Variants in NXPH1 observed in about 807,000 individuals in gnomAD.
The protein encoded by NXPH1 is neurexophilin-1.
NXPH1 carries 5 observed loss-of-function variants against 23.7 expected under a neutral mutation model. That is an observed-to-expected ratio of 0.21 (90% CI 0.11 to 0.44). The LOEUF (loss-of-function observed/expected upper bound fraction) is 0.44. Among genes scored for constraint, NXPH1 ranks in the 20% least tolerant of loss-of-function variants. The pLI, the probability that NXPH1 is intolerant of heterozygous loss-of-function variation, is 0.99. For synonymous variants in NXPH1, 144 were observed against 122.2 expected, an observed-to-expected ratio of 1.18 and a Z score of -1.18; for missense variants, 324 against 321.6, an observed-to-expected ratio of 1.01 and a Z score of -0.06.
intron 2 of NXPH1, among the ~76,000 whole-genome samples, chr7:8,489,204 C>G (rs1197313759): frequency 6.6e-6 from 1 of 152,048 alleles, no homozygotes; most frequent in African/African-American, 2.4e-5. Flanking sequence ...TTCGGCCTAT[C>G]TAGGGATGTT....
chr7:8,604,952 C>T lies in NXPH1; in HGVS notation c.55-146056C>T, dbSNP rs145885684. On this transcript the variant is annotated intron_variant, in intron 2 of 2. Coordinates refer to ENST00000405863, the MANE Select transcript of NXPH1 (RefSeq NM_152745.3). ...TTATATGGAAATAGTAACATGCTTG[C>T]CATTTTTTCTCCACCATTTTAGATT... 3.9e-3 allele frequency among the ~76,000 whole-genome samples: 597 copies of T among 152,148 alleles called. 3 individuals are homozygous for T. The highest frequency in any genetic ancestry group is 0.013 in the African/African-American group (552 of 41,548).
intron 2 of NXPH1, among the ~76,000 whole-genome samples, chr7:8,605,688 T>G (rs917590841): frequency 1.3e-5 from 2 of 151,978 alleles, no homozygotes; most frequent in African/African-American, 2.4e-5. Flanking sequence ...TACAAAAGAG[T>G]TGCAATGGAT....
intron 2 of NXPH1, among the ~76,000 whole-genome samples, chr7:8,563,329 A>G (rs1818480620): frequency 6.6e-6 from 1 of 151,784 alleles, no homozygotes; most frequent in Non-Finnish European, 1.5e-5. Flanking sequence ...AATTTTCTGT[A>G]GGTTATATTC....
At chr7:8,490,145 G>A (rs2040894) in intron 2 of NXPH1, among the ~76,000 whole-genome samples, 90,827 of 151,932 alleles carry the variant, frequency 0.6, 29,920 homozygotes, top group African/African-American at 0.88. Flanking sequence ...AAAGTCCACA[G>A]TTTTCCAAAC....
chr7:8,581,257 A>G (rs992968539), intron 2 of NXPH1, among the ~76,000 whole-genome samples: 1 of 152,182 alleles, frequency 6.6e-6, no homozygotes, highest in African/African-American at 2.4e-5. Context: ...GTATTAGTCC[A>G]TTCTTGCATT....
intron 2 of NXPH1, among the ~76,000 whole-genome samples, chr7:8,627,007 T>G (rs1820006141): frequency 6.6e-6 from 1 of 152,144 alleles, no homozygotes; most frequent in African/African-American, 2.4e-5. Context: ...CGCCTCTGAC[T>G]TTATGCCCCC....
intron 2 of NXPH1, among the ~76,000 whole-genome samples, chr7:8,626,086 AC>A (rs1819980839): frequency 6.6e-6 from 1 of 152,070 alleles, no homozygotes; most frequent in Admixed American, 6.6e-5. Context: ...TGTTGGGAAG[AC>A]CCATTCTTTC....
At chr7:8,679,194 A>G (rs1019199774) in intron 2 of NXPH1, among the ~76,000 whole-genome samples, 11 of 151,564 alleles carry the variant, frequency 7.3e-5, no homozygotes, top group Admixed American at 3.3e-4. Flanking sequence ...TGATCCGCCC[A>G]CCTCGGCCTC....
chr7:8,527,782 A>G (rs1817887700), intron 2 of NXPH1, among the ~76,000 whole-genome samples: 1 of 152,208 alleles, frequency 6.6e-6, no homozygotes, highest in South Asian at 2.1e-4. Context: ...CCTCTCCTGA[A>G]GAGACCTAAC....
chr7:8,492,095 T>C (rs1584191093), intron 2 of NXPH1, among the ~76,000 whole-genome samples: 1 of 152,090 alleles, frequency 6.6e-6, no homozygotes, highest in African/African-American at 2.4e-5. Context: ...CAAGGAAATA[T>C]GTGGCCATTG....
chr7:8,659,524 T>C (rs1349628964), intron 2 of NXPH1, among the ~76,000 whole-genome samples: 2 of 152,068 alleles, frequency 1.3e-5, no homozygotes, highest in Non-Finnish European at 2.9e-5. Context: ...TAGGTGGGAA[T>C]TGAACAATGA....
At chr7:8,565,496 G>A (rs1440284355) in intron 2 of NXPH1, among the ~76,000 whole-genome samples, 1 of 38,682 alleles carries the variant, frequency 2.6e-5, no homozygotes, top group Non-Finnish European at 4.6e-5. Flanking sequence ...ATCACAGTGA[G>A]TTTGACATAA....
At chr7:8,643,076 G>C (rs1404420624) in intron 2 of NXPH1, among the ~76,000 whole-genome samples, 1 of 151,862 alleles carries the variant, frequency 6.6e-6, no homozygotes, top group Non-Finnish European at 1.5e-5. Context: ...TGTTGGCCTG[G>C]CTGGTCTCGA....
At chr7:8,438,580 T>C (rs1816238948) in intron 2 of NXPH1, among the ~76,000 whole-genome samples, 1 of 152,218 alleles carries the variant, frequency 6.6e-6, no homozygotes, top group Non-Finnish European at 1.5e-5. Context: ...CTAGTTATGT[T>C]TCCCAGGGAG....
chr7:8,641,175 T>A (rs545192884), intron 2 of NXPH1, among the ~76,000 whole-genome samples: 2 of 152,188 alleles, frequency 1.3e-5, no homozygotes, highest in Non-Finnish European at 2.9e-5. Flanking sequence ...CTAAGTATTT[T>A]ATAATTTTTA....
At chr7:8,731,065 T>G (rs184689762) in intron 2 of NXPH1, among the ~76,000 whole-genome samples, 6 of 150,228 alleles carry the variant, frequency 4.0e-5, no homozygotes, top group Non-Finnish European at 8.9e-5. Context: ...TCTCTAAACT[T>G]CCCTTCTCGC....
intron 2 of NXPH1, among the ~76,000 whole-genome samples, chr7:8,515,299 A>T (rs893769866): frequency 5.3e-5 from 8 of 152,062 alleles, no homozygotes; most frequent in African/African-American, 1.9e-4. Context: ...AGTCTGTGTG[A>T]TTTTGCTTCA....
intron 2 of NXPH1, among the ~76,000 whole-genome samples, chr7:8,531,082 CAG>C (rs942058643): frequency 2.0e-5 from 3 of 152,136 alleles, no homozygotes; most frequent in African/African-American, 7.2e-5. Flanking sequence ...GAGACACAAA[CAG>C]GGGCATTCTG....
intron 2 of NXPH1, among the ~76,000 whole-genome samples, chr7:8,683,700 A>T (rs1253920673): frequency 6.6e-6 from 1 of 152,102 alleles, no homozygotes. Context: ...TTTTTTTGGC[A>T]TTAACTACTA....
Sources: gnomAD v4.1 joint callset for allele counts (sites outside exome capture counted in the v4.1 genomes callset) on GRCh38, gnomAD v4.1.1 for gene constraint, MANE v1.5 for transcripts, NCBI Gene and HGNC (gene_info 2026-07-23, HGNC 2026-07-21) for gene names.